Variants in C2CD2 observed in about 807,000 individuals in gnomAD.
C2CD2 encodes C2 calcium dependent domain containing 2.
A neutral mutation model predicts 74.3 loss-of-function variants in C2CD2; 43 were observed. That is an observed-to-expected ratio of 0.58 (90% confidence interval 0.45 to 0.75). The LOEUF (loss-of-function observed/expected upper bound fraction) is 0.75, where lower values mean the gene tolerates loss of function less well. C2CD2 is among the 30% of genes least tolerant of loss of function. The pLI, the probability that C2CD2 is intolerant of heterozygous loss-of-function variation, is 0.00. For synonymous variants in C2CD2, 422 were observed against 390.7 expected (o/e 1.08, Z -0.94); for missense variants, 801 against 916.3 (o/e 0.87, Z 1.63).
Position 41,889,184 on chromosome 21 carries a change from C to G in C2CD2, c.2031G>C (p.Leu677=). 6.2e-7 allele frequency: 1 copy of G among 1,613,042 alleles called. No individual in the cohort carries two copies. The change falls in exon 14 of 14, where the codon CTG becomes CTC. Residue 677 remains leucine, a synonymous_variant. Transcript: ENST00000380486. ...ITLTRILNKK[L]LSRHRNKNTM... ...TGTTCTTGTTTCTGTGCCTGGAGAG[C>G]AGCTTCTTGTTCAGGATCCTGGTGA...
At position 41,888,428 on chromosome 21, in the gene C2CD2, C is replaced by T. The variant is rs1417592774; in HGVS notation, c.*696G>A. The T allele has an allele frequency of 1.3e-5, 2 of 152,578 alleles. No individual in the cohort carries two copies. The highest frequency in any genetic ancestry group is 6.5e-5 in the Admixed American group (1 of 15,268). 9.5% of individuals were successfully genotyped at this position (152,578 alleles called of 1,614,324 possible). A position where few individuals can be genotyped will look rare whatever the true frequency, so the allele number is the denominator to read the frequency against. ...AACCATGTGAGAATATATATATCTT[C>T]CACTTGCAAGTAGGCTCAAAGTAAA... On this transcript the variant is annotated 3_prime_UTR_variant, in exon 14 of 14. Coordinates refer to ENST00000380486, the MANE Select transcript of C2CD2 (RefSeq NM_015500.2).
chr21:41,919,093 T>A (rs944331234), intron 3 of C2CD2, 133 bp from the exon 4 acceptor site: 3 of 669,712 alleles, frequency 4.5e-6, no homozygotes, highest in South Asian at 3.5e-5. Flanking sequence ...TGAGCATATA[T>A]GAGTGCATGT....
intron 3 of C2CD2, 65 bp downstream of exon 3, chr21:41,921,907 C>T (rs2065157835): frequency 2.1e-6 from 2 of 966,614 alleles, no homozygotes; most frequent in East Asian, 2.4e-5. Flanking sequence ...TCACACCATG[C>T]TCACTCTTCA....
In C2CD2 at chr21:41,923,830, C is replaced by T. The variant is rs759697706; in HGVS notation, c.379-1745G>A. On this transcript the variant is annotated intron_variant, in intron 2 of 13. Transcript: ENST00000380486. This position sits in a 1 kb window ranked among gnomAD's most constrained non-coding sequence, Gnocchi z 5.8. ...GTCAGACCCCTCCCCGCTCCCCTCC[C>T]GGGGGCAGAGGGCCAAGCAGACACG... is the stretch of plus-strand genomic sequence containing the variant. Among the ~76,000 whole-genome samples, 7 of 152,128 alleles carry T rather than the reference C, an allele frequency of 4.6e-5. No individual in the cohort carries two copies. Among genetic ancestry groups the T allele is most frequent in the Non-Finnish European group, 8.8e-5 (6 of 68,020 alleles).
At chr21:41,901,147 G>C (rs1346246053) in intron 12 of C2CD2, 1 of 215,040 alleles carries the variant, frequency 4.7e-6, no homozygotes, top group Non-Finnish European at 9.4e-6. Context: ...AGCGGGAGAA[G>C]GGGGAGAAAG....
intron 2 of C2CD2, among the ~76,000 whole-genome samples, chr21:41,936,030 C>T (rs190316745): frequency 2.5e-4 from 36 of 146,638 alleles, no homozygotes; most frequent in Non-Finnish European, 4.6e-4. Context: ...CTTTAAGACA[C>T]TGGATTGGGC....
At chr21:41,889,485 C>T (rs548173537) in intron 13 of C2CD2, 141 bp from the exon 14 acceptor site, 4 of 633,232 alleles carry the variant, frequency 6.3e-6, no homozygotes, top group South Asian at 3.7e-5. Flanking sequence ...CTGTCACTAC[C>T]TGCATGAGAA....
At chr21:41,943,667 C>T (rs1442006880) in intron 1 of C2CD2, among the ~76,000 whole-genome samples, 1 of 152,144 alleles carries the variant, frequency 6.6e-6, no homozygotes, top group East Asian at 1.9e-4. Flanking sequence ...CTTGCCGTGG[C>T]GATTCCAGCA....
chr21:41,948,868 A>ATTTTTTTTTTTT (rs1569085046), intron 1 of C2CD2, among the ~76,000 whole-genome samples: 3 of 31,062 alleles, frequency 9.7e-5, no homozygotes, highest in Non-Finnish European at 2.4e-4. Context: ...TCCACACAGC[A>ATTTTTTTTTTTT]TCTTTTTTTT....
chr21:41,940,734 C>T (rs918046780), intron 2 of C2CD2, among the ~76,000 whole-genome samples: 19 of 152,230 alleles, frequency 1.2e-4, no homozygotes, highest in African/African-American at 4.3e-4. Flanking sequence ...GGGAAATGTA[C>T]ATGTGAGTTA....
chr21:41,902,643 C>T (rs1447291219), intron 11 of C2CD2, among the ~76,000 whole-genome samples: 1 of 152,178 alleles, frequency 6.6e-6, no homozygotes. Context: ...ACTTCTGTCT[C>T]GGTTTTGGCC....
Position 41,953,521 on chromosome 21 carries a change from G to T in C2CD2, c.128C>A (p.Pro43His). Residue 43 changes from proline (P) to histidine (H), a missense_variant, in exon 1 of 14, where the codon CCC (proline) becomes CAC (histidine). By Grantham distance (77) the Pro-to-His change is moderately conservative (BLOSUM62 -2). Coordinates refer to ENST00000380486, the MANE Select transcript of C2CD2 (RefSeq NM_015500.2). ...LAQWALARAR[P>H]QPQRRAVEPG... is the part of the protein sequence containing the mutation. ...CTCCACCGCCCGCCGCTGGGGCTGG[G>T]GTCGCGCCCTGGCCAGCGCCCACTG... 1 of 1,479,844 alleles carries T rather than the reference G, an allele frequency of 6.8e-7. No homozygotes were observed. Among genetic ancestry groups the T allele is most frequent in the African/African-American group, 1.5e-5 (1 of 68,186 alleles). The allele number at this position is 1,479,844 out of a possible 1,614,324, so 91.7% of individuals were successfully genotyped here. A position where few individuals can be genotyped will look rare whatever the true frequency, so the allele number is the denominator to read the frequency against.
At chr21:41,907,587 G>A (rs1274149968) in intron 9 of C2CD2, 73 bp downstream of exon 9, 13 of 1,518,070 alleles carry the variant, frequency 8.6e-6, no homozygotes, top group Non-Finnish European at 1.2e-5. Context: ...AGACTCTGCA[G>A]ACATAAGTGA....
At chr21:41,898,917 G>A in intron 13 of C2CD2, 136 bp downstream of exon 13, 1 of 710,696 alleles carries the variant, frequency 1.4e-6, no homozygotes, top group Non-Finnish European at 2.4e-6. Context: ...GGCATTTCTG[G>A]AGGGGCAGGG....
chr21:41,944,483 C>T (rs1434057963), intron 1 of C2CD2, among the ~76,000 whole-genome samples: 1 of 130,356 alleles, frequency 7.7e-6, no homozygotes, highest in Non-Finnish European at 1.5e-5. Flanking sequence ...GATCATGCCA[C>T]TGCACTTGAG....
Position 41,953,576 on chromosome 21 carries a change from C to A in C2CD2, c.73G>T (p.Ala25Ser). Residue 25 changes from alanine (A) to serine (S), a missense_variant, in exon 1 of 14, where the codon GCC becomes TCC. Transcript: ENST00000380486. ...AGGTACAGGCCTACCGTGGCCAGGGCCGCGACGAAGAGCGACACCAGCGCG... is the reference window on the plus strand; with the variant it reads ...AGGTACAGGCCTACCGTGGCCAGGGACGCGACGAAGAGCGACACCAGCGCG... ...WLALVSLFVA[A>S]LATVGLYLAQ... 1 of 1,499,756 alleles carries A rather than the reference C, an allele frequency of 6.7e-7. No individual in the cohort carries two copies. The highest frequency in any genetic ancestry group is 1.9e-4 in the Middle Eastern group (1 of 5,160). 92.9% of individuals were successfully genotyped at this position (1,499,756 alleles called of 1,614,324 possible). A position where few individuals can be genotyped will look rare whatever the true frequency, so the allele number is the denominator to read the frequency against.
intron 2 of C2CD2, among the ~76,000 whole-genome samples, chr21:41,935,227 G>A (rs1431094798): frequency 6.6e-6 from 1 of 152,116 alleles, no homozygotes; most frequent in East Asian, 1.9e-4. Flanking sequence ...AGAATTTTAG[G>A]GGAATTTTAG....
In C2CD2 at chr21:41,899,642, C is replaced by T. The variant is rs746003279; in HGVS notation, c.1561-280G>A. 1.3e-5 allele frequency among the ~76,000 whole-genome samples: 2 copies of T among 152,000 alleles called. No homozygotes were observed. The highest frequency in any genetic ancestry group is 1.5e-5 in the Non-Finnish European group (1 of 68,014). ...CTCTTCCTCTCACAGATGGGCCTAG[C>T]GGTGGGAGCGTTTGTGGCAAGCTGC... On this transcript the variant is annotated intron_variant, in intron 12 of 13. Coordinates refer to ENST00000380486, the MANE Select transcript of C2CD2 (RefSeq NM_015500.2). The surrounding 1 kb of genome is among the most constrained non-coding windows in gnomAD (Gnocchi z 4.4).
chr21:41,926,802 G>A lies in C2CD2; in HGVS notation c.379-4717C>T, dbSNP rs76904596. 6,136 of 163,010 alleles carry A rather than the reference G, an allele frequency of 0.038. 187 individuals carry two copies. The highest frequency in any genetic ancestry group is 0.13 in the East Asian group (696 of 5,208). The allele number at this position is 163,010 out of a possible 1,614,324, so 10.1% of individuals were successfully genotyped here. ...AACTGGAAATCATGTAATTACTTTT[G>A]TCTCCAAAGAAACTAGCAATGCAGC... On this transcript the variant is annotated intron_variant, in intron 2 of 13. Transcript: ENST00000380486. The surrounding 1 kb of genome is among the most constrained non-coding windows in gnomAD (Gnocchi z 8.0).
Sources: allele counts gnomAD v4.1 joint callset (sites outside exome capture counted in the v4.1 genomes callset), GRCh38; gene constraint gnomAD v4.1.1; non-coding constraint Gnocchi (gnomAD v3.1); transcripts MANE v1.5; gene names NCBI Gene and HGNC (gene_info 2026-07-23, HGNC 2026-07-21).